Variants in LIMCH1 observed in about 807,000 individuals in gnomAD.
LIMCH1 encodes LIM and calponin homology domains 1, also known as LIM and calponin homology domains-containing protein 1.
In LIMCH1, 113 loss-of-function variants were observed where a neutral mutation model predicts 176.5. The observed-to-expected ratio is 0.64, with a 90% CI of 0.55 to 0.75. The LOEUF (loss-of-function observed/expected upper bound fraction) is 0.75. LIMCH1 is among the 30% of genes least tolerant of loss of function. The pLI is 0.00. For missense variants in LIMCH1, 1,674 were observed against 1,814.9 expected, an observed-to-expected ratio of 0.92 and a Z score of 1.41; for synonymous variants, 619 against 645.9, an observed-to-expected ratio of 0.96 and a Z score of 0.63.
chr4:41,619,666 A>G, intron 6 of LIMCH1: 1 of 578,292 alleles, frequency 1.7e-6, no homozygotes, highest in Non-Finnish European at 3.0e-6. Flanking sequence ...TTCAGCAACT[A>G]CTTGTCTAAA....
At chr4:41,491,422 G>C (rs1396782766) in intron 1 of LIMCH1, among the ~76,000 whole-genome samples, 3 of 149,370 alleles carry the variant, frequency 2.0e-5, no homozygotes, top group Non-Finnish European at 4.5e-5. Flanking sequence ...CCCAGATGAA[G>C]GGCGGCCGGG....
At chr4:41,604,832 CAG>C (rs1561893464) in intron 3 of LIMCH1, among the ~76,000 whole-genome samples, 1 of 152,074 alleles carries the variant, frequency 6.6e-6, no homozygotes, top group Non-Finnish European at 1.5e-5. Context: ...AATTTTCCCA[CAG>C]AGGTAGAAAA....
At chr4:41,572,396 A>G (rs541045258) in intron 1 of LIMCH1, among the ~76,000 whole-genome samples, 1 of 151,286 alleles carries the variant, frequency 6.6e-6, no homozygotes, top group South Asian at 2.1e-4. Context: ...CCAAGATTGC[A>G]TATTTTACAA....
chr4:41,523,199 A>G (rs1282469564), intron 2 of LIMCH1, among the ~76,000 whole-genome samples: 5 of 152,236 alleles, frequency 3.3e-5, no homozygotes, highest in Non-Finnish European at 5.9e-5. Flanking sequence ...TGGCAAGCAC[A>G]GGTTCTTTAT....
intron 21 of LIMCH1, chr4:41,671,146 A>G (rs992418797): frequency 3.2e-6 from 1 of 313,844 alleles, no homozygotes; most frequent in Non-Finnish European, 4.6e-6. Context: ...TTCCTGGGTG[A>G]CATCTGGCCT....
intron 13 of LIMCH1, among the ~76,000 whole-genome samples, chr4:41,634,030 T>G (rs2093458929): frequency 1.3e-5 from 2 of 152,260 alleles, no homozygotes; most frequent in Admixed American, 1.3e-4. Flanking sequence ...TTTCTGACTC[T>G]TGTGGACTGA....
At position 41,437,696 on chromosome 4, in the gene LIMCH1, C is replaced by T. The variant is rs2062233369; in HGVS notation, c.97-56840C>T. ...ACAGAGTGGCCAGGAGGGCCCTATG[C>T]CTGCTAGTTGAAGTTATCTGTGTTT... On this transcript the variant is annotated intron_variant, in intron 1 of 26. Coordinates refer to the LIMCH1 transcript ENST00000313860. Among the ~76,000 whole-genome samples, 3 of 152,310 alleles carry T rather than the reference C, an allele frequency of 2.0e-5. No homozygotes were observed. In the South Asian group the frequency reaches 6.2e-4, roughly 32 times the overall value.
intron 1 of LIMCH1, among the ~76,000 whole-genome samples, chr4:41,386,235 T>TA (rs2056474951): frequency 1.3e-5 from 2 of 152,156 alleles, no homozygotes; most frequent in African/African-American, 4.8e-5. Flanking sequence ...GGGCTTCTGT[T>TA]ACCCTTCTTG....
At chr4:41,622,010 C>T in intron 7 of LIMCH1, among the ~76,000 whole-genome samples, 1 of 151,886 alleles carries the variant, frequency 6.6e-6, no homozygotes, top group Non-Finnish European at 1.5e-5. Flanking sequence ...ATACTTCCTC[C>T]TTGTCTGTGG....
intron 1 of LIMCH1, among the ~76,000 whole-genome samples, chr4:41,369,235 C>T (rs2053579311): frequency 6.6e-6 from 1 of 152,154 alleles, no homozygotes; most frequent in Non-Finnish European, 1.5e-5. Flanking sequence ...GTGATCACAT[C>T]ACCTTTCCAG....
chr4:41,491,182 CCCACA>C (rs2070847746), intron 1 of LIMCH1, among the ~76,000 whole-genome samples: 3 of 144,678 alleles, frequency 2.1e-5, no homozygotes, highest in African/African-American at 5.2e-5. Flanking sequence ...AGAGGTGCTC[CCCACA>C]TCCCAGACGA....
At chr4:41,615,840 T>C (rs1490202624) in intron 5 of LIMCH1, among the ~76,000 whole-genome samples, 1 of 152,180 alleles carries the variant, frequency 6.6e-6, no homozygotes, top group Non-Finnish European at 1.5e-5. Context: ...TAGACATCTT[T>C]CATTTTATTA....
chr4:41,544,608 T>C (rs543275688), intron 1 of LIMCH1, among the ~76,000 whole-genome samples: 1 of 152,262 alleles, frequency 6.6e-6, no homozygotes, highest in South Asian at 2.1e-4. Context: ...AGTTATTCCA[T>C]TCCATTCCAC....
At chr4:41,680,330 G>A (rs919440674) in intron 24 of LIMCH1, among the ~76,000 whole-genome samples, 4 of 152,196 alleles carry the variant, frequency 2.6e-5, no homozygotes, top group African/African-American at 4.8e-5. Flanking sequence ...CAAGGGAGAC[G>A]ATACAATTAC....
At chr4:41,382,055 G>A (rs76162603) in intron 1 of LIMCH1, among the ~76,000 whole-genome samples, 3,428 of 152,304 alleles carry the variant, frequency 0.023, 126 homozygotes, top group African/African-American at 0.079. Context: ...TTATGAGTGC[G>A]TCCAGCTAAG....
At chr4:41,521,899 A>G (rs2076159038) in intron 2 of LIMCH1, among the ~76,000 whole-genome samples, 1 of 152,158 alleles carries the variant, frequency 6.6e-6, no homozygotes. Context: ...TTTACAAAGG[A>G]TGAATACCAT....
chr4:41,674,376 G>A (rs1468647227), intron 22 of LIMCH1, among the ~76,000 whole-genome samples: 1 of 152,184 alleles, frequency 6.6e-6, no homozygotes, highest in Non-Finnish European at 1.5e-5. Flanking sequence ...AGACAAAGAG[G>A]GGCCATGCCC....
chr4:41,689,868 G>T (rs1243026793), intron 30 of LIMCH1: 2 of 383,272 alleles, frequency 5.2e-6, no homozygotes, highest in Non-Finnish European at 9.7e-6. Flanking sequence ...AACAGTTTTT[G>T]TTGCTAAAGA....
chr4:41,646,327 G>T, intron 16 of LIMCH1, 47 bp downstream of exon 16: 5 of 1,383,110 alleles, frequency 3.6e-6, no homozygotes, highest in Non-Finnish European at 4.9e-6. Flanking sequence ...TTATCTAGGT[G>T]TTTTTTTTTT....
Sources: gnomAD v4.1 joint callset for allele counts (sites outside exome capture counted in the v4.1 genomes callset) on GRCh38, gnomAD v4.1.1 for gene constraint, MANE v1.5 for transcripts, NCBI Gene and HGNC (gene_info 2026-07-23, HGNC 2026-07-21) for gene names.